PLCB1: variants seen among roughly 807,000 people sequenced by gnomAD.
PLCB1 encodes phospholipase C beta 1, also known as 1-phosphatidylinositol 4,5-bisphosphate phosphodiesterase beta-1.
PLCB1 carries 46 observed loss-of-function variants against 161.8 expected under a neutral mutation model. The ratio of observed to expected loss-of-function variants is 0.28; its 90% CI spans 0.22 to 0.36. PLCB1 has a LOEUF of 0.36. Among genes scored for constraint, PLCB1 ranks in the 10% least tolerant of loss-of-function variants. The probability of loss-of-function intolerance (pLI) is 1.00; values close to 1 mark genes in which losing one functional copy is unlikely to be tolerated. For synonymous variants in PLCB1, 517 were observed against 503.7 expected (o/e 1.03, Z -0.35); for missense variants, 1,016 against 1,472.5 (o/e 0.69, Z 5.07).
At chr20:8,511,491 G>A (rs1444881857) in intron 3 of PLCB1, among the ~76,000 whole-genome samples, 1 of 152,078 alleles carries the variant, frequency 6.6e-6, no homozygotes, top group East Asian at 1.9e-4. Flanking sequence ...ATAGGAGAGT[G>A]GATATTTCTT....
intron 9 of PLCB1, among the ~76,000 whole-genome samples, chr20:8,662,238 AATTATTT>A (rs1381981460): frequency 9.0e-6 from 1 of 111,278 alleles, no homozygotes; most frequent in African/African-American, 3.6e-5. Context: ...TTCTATATAT[AATTATTT>A]ATTATATAAT....
chr20:8,353,576 A>G (rs1600337232), intron 2 of PLCB1, among the ~76,000 whole-genome samples: 1 of 152,106 alleles, frequency 6.6e-6, no homozygotes, highest in East Asian at 1.9e-4. Context: ...TACCTTTGAC[A>G]TGATGTGATG....
At chr20:8,286,322 T>C (rs1304875472) in intron 2 of PLCB1, among the ~76,000 whole-genome samples, 3 of 152,128 alleles carry the variant, frequency 2.0e-5, no homozygotes, top group Non-Finnish European at 4.4e-5. Context: ...TAACTCCATA[T>C]CAAAAGAAAA....
rs542365096 is a variant in PLCB1 at position 8,767,203 on chromosome 20, C to G, written c.2930+1845C>G. Among the ~76,000 whole-genome samples the G allele has an allele frequency of 7.9e-4, 120 of 152,232 alleles. 1 individual carries two copies. The highest frequency in any genetic ancestry group is 6.8e-3 in the Middle Eastern group (2 of 294). On this transcript the variant is annotated intron_variant, in intron 26 of 31. Transcript: ENST00000338037. ...TTGCAGCATTTGCTAAACACAGACC[C>G]TCGGGACCTGACCCTAGAGTTTCTG...
chr20:8,302,666 G>A (rs1035242306), intron 2 of PLCB1, among the ~76,000 whole-genome samples: 3 of 152,032 alleles, frequency 2.0e-5, no homozygotes, highest in African/African-American at 7.2e-5. Flanking sequence ...AATCATTGCT[G>A]CTTGTATACA....
intron 3 of PLCB1, among the ~76,000 whole-genome samples, chr20:8,470,253 C>A (rs1981993694): frequency 6.6e-6 from 1 of 152,150 alleles, no homozygotes; most frequent in Non-Finnish European, 1.5e-5. Context: ...TTTGTGAGGA[C>A]ATATGTTTTC....
At chr20:8,294,909 C>A (rs940193972) in intron 2 of PLCB1, among the ~76,000 whole-genome samples, 1 of 151,870 alleles carries the variant, frequency 6.6e-6, no homozygotes, top group African/African-American at 2.4e-5. Flanking sequence ...GTGGTATAGT[C>A]CCACACTGGA....
At chr20:8,880,423 T>C (rs368552395) in intron 31 of PLCB1, among the ~76,000 whole-genome samples, 3 of 152,080 alleles carry the variant, frequency 2.0e-5, no homozygotes, top group East Asian at 1.9e-4. Flanking sequence ...TTAAAACATC[T>C]GAAAATTCTC....
At chr20:8,669,624 C>G (rs973952023) in intron 9 of PLCB1, among the ~76,000 whole-genome samples, 2 of 152,192 alleles carry the variant, frequency 1.3e-5, no homozygotes, top group Non-Finnish European at 2.9e-5. Context: ...CTTCACCTAT[C>G]TGGGCTCTCA....
chr20:8,734,919 A>G (rs962298427), intron 19 of PLCB1, among the ~76,000 whole-genome samples: 1 of 152,214 alleles, frequency 6.6e-6, no homozygotes, highest in African/African-American at 2.4e-5. Context: ...GCAGTTGAGC[A>G]CATTTTTACC....
At chr20:8,144,687 A>C (rs2051436596) in intron 1 of PLCB1, among the ~76,000 whole-genome samples, 1 of 152,226 alleles carries the variant, frequency 6.6e-6, no homozygotes. Flanking sequence ...TTTGACAAGC[A>C]TCACATCTGA....
chr20:8,419,388 T>C (rs7267067), intron 3 of PLCB1, among the ~76,000 whole-genome samples: 8 of 152,088 alleles, frequency 5.3e-5, no homozygotes, highest in Admixed American at 5.2e-4. Context: ...AATGATTATA[T>C]ATGGTTCCAG....
chr20:8,691,162 G>A (rs1363375193), intron 10 of PLCB1, among the ~76,000 whole-genome samples: 1 of 152,122 alleles, frequency 6.6e-6, no homozygotes, highest in Non-Finnish European at 1.5e-5. Flanking sequence ...TGAAACTAAT[G>A]TAGAAGTCCT....
intron 31 of PLCB1, among the ~76,000 whole-genome samples, chr20:8,836,469 C>G (rs1986289637): frequency 6.6e-6 from 1 of 152,152 alleles, no homozygotes; most frequent in South Asian, 2.1e-4. Flanking sequence ...AAGACTGATA[C>G]AGATTTTTGT....
intron 2 of PLCB1, among the ~76,000 whole-genome samples, chr20:8,301,363 G>C (rs1293905751): frequency 6.6e-6 from 1 of 152,130 alleles, no homozygotes; most frequent in Non-Finnish European, 1.5e-5. Context: ...AGGGTTTTCA[G>C]GGGAATTTAA....
intron 3 of PLCB1, among the ~76,000 whole-genome samples, chr20:8,585,486 A>G (rs1383486434): frequency 6.6e-6 from 1 of 152,056 alleles, no homozygotes; most frequent in Admixed American, 6.6e-5. Flanking sequence ...TTCATGATCT[A>G]CTCCACACAC....
intron 3 of PLCB1, among the ~76,000 whole-genome samples, chr20:8,500,793 T>G (rs548296796): frequency 1.3e-5 from 2 of 152,312 alleles, no homozygotes; most frequent in South Asian, 4.1e-4. Context: ...CTTAATTATT[T>G]TTATGGTATT....
intron 2 of PLCB1, among the ~76,000 whole-genome samples, chr20:8,369,322 C>A (rs940122031): frequency 6.6e-6 from 1 of 152,158 alleles, no homozygotes; most frequent in African/African-American, 2.4e-5. Flanking sequence ...TGTCTCTCAT[C>A]TTTCACCTCT....
At chr20:8,717,376 A>G (rs533607727) in intron 13 of PLCB1, among the ~76,000 whole-genome samples, 1 of 152,310 alleles carries the variant, frequency 6.6e-6, no homozygotes, top group African/African-American at 2.4e-5. Flanking sequence ...TTGGGTTTCT[A>G]TGTTCCATTG....
Sources: gnomAD v4.1 joint callset for allele counts (sites outside exome capture counted in the v4.1 genomes callset) on GRCh38, gnomAD v4.1.1 for gene constraint, MANE v1.5 for transcripts, NCBI Gene and HGNC (gene_info 2026-07-23, HGNC 2026-07-21) for gene names.